Variants in ZNF799 observed in about 807,000 individuals in gnomAD.
The protein encoded by ZNF799 is zinc finger protein 14.
Under a neutral mutation model 41.0 loss-of-function variants are expected in ZNF799, and 28 were observed. That is an observed-to-expected ratio of 0.68 (90% CI 0.51 to 0.94). The LOEUF (loss-of-function observed/expected upper bound fraction) is 0.94, where lower values mean the gene tolerates loss of function less well. Ranked by LOEUF, ZNF799 falls within the 40% of genes least tolerant of loss-of-function variation. The probability of loss-of-function intolerance (pLI) is 0.00; values close to 1 mark genes in which losing one functional copy is unlikely to be tolerated. For missense variants in ZNF799, 716 were observed against 764.3 expected (o/e 0.94, Z 0.74); for synonymous variants, 213 against 252.9 (o/e 0.84, Z 1.50).
In ZNF799 at chr19:12,401,186, G is replaced by T. The variant is rs1345342969; in HGVS notation, c.-116C>A. ...GGTCGTCTCTTAGCTACAGAGCCGA[G>T]CACCGAGCGCCCAGCGCAGGTGGGT... On this transcript the variant is annotated 5_prime_UTR_variant, in exon 1 of 4. Transcript: ENST00000430385. 7.6e-6 allele frequency: 12 copies of T among 1,584,584 alleles called. No homozygotes were observed. The highest frequency in any genetic ancestry group is 1.3e-5 in the African/African-American group (1 of 74,686).
chr19:12,412,540 G>T, the ZNF799 span, among the ~76,000 whole-genome samples: 1 of 73,522 alleles, frequency 1.4e-5, no homozygotes. Context: ...ATAAAAATTT[G>T]TCAGAAAAAA....
intron 1 of ZNF799, among the ~76,000 whole-genome samples, chr19:12,396,192 A>G (rs1272195654): frequency 6.6e-6 from 1 of 152,256 alleles, no homozygotes; most frequent in African/African-American, 2.4e-5. Context: ...TGGAAAAAAT[A>G]TAATTGAGAT....
At chr19:12,407,483 G>GA in the ZNF799 span, among the ~76,000 whole-genome samples, 46 of 135,654 alleles carry the variant, frequency 3.4e-4, no homozygotes, top group African/African-American at 7.3e-4. Context: ...GAGAGAGAGA[G>GA]AGAAAAAAAA....
chr19:12,414,836 G>C, the ZNF799 span, among the ~76,000 whole-genome samples: 1 of 152,106 alleles, frequency 6.6e-6, no homozygotes, highest in Non-Finnish European at 1.5e-5. Flanking sequence ...GCCAAACTCT[G>C]ACTCCTGAAA....
At chr19:12,410,289 A>ATATC in the ZNF799 span, among the ~76,000 whole-genome samples, 1 of 121,766 alleles carries the variant, frequency 8.2e-6, no homozygotes, top group Admixed American at 8.7e-5. Context: ...ATATATATAT[A>ATATC]TATATATATC....
Position 12,391,081 on chromosome 19 carries a change from A to C in ZNF799, c.1317T>G (p.His439Gln). The change falls in exon 4 of 4, where the codon CAT becomes CAG. Residue 439 changes from histidine (H) to glutamine (Q), a missense_variant. Physicochemically the swap from His to Gln is conservative, Grantham distance 24. Transcript: ENST00000430385. ...GTTTCTCTCCAGTATGAGTTGTTTC[A>C]TGCCTTCGAAGAGAACTGGAAATAC... Reference protein sequence around the residue: ...AYRISSSLRRHETTHTGEKPY... With the variant: ...AYRISSSLRRQETTHTGEKPY... 6.2e-7 allele frequency: 1 copy of C among 1,614,188 alleles called. No individual in the cohort carries two copies. Among genetic ancestry groups the C allele is most frequent in the Non-Finnish European group, 8.5e-7 (1 of 1,180,026 alleles).
the ZNF799 span, among the ~76,000 whole-genome samples, chr19:12,408,927 C>A: frequency 0.012 from 1,815 of 151,880 alleles, 31 homozygotes; most frequent in African/African-American, 0.042. Flanking sequence ...CCCAGCTACT[C>A]GGGAGGCTGA....
the ZNF799 span, among the ~76,000 whole-genome samples, chr19:12,412,577 A>C: frequency 6.6e-6 from 1 of 151,952 alleles, no homozygotes; most frequent in East Asian, 1.9e-4. Flanking sequence ...GTCAGCAAAA[A>C]CAAGTGTTCT....
chr19:12,411,144 T>C, the ZNF799 span, among the ~76,000 whole-genome samples: 2 of 152,198 alleles, frequency 1.3e-5, no homozygotes, highest in African/African-American at 4.8e-5. Context: ...AAAGGAAGAC[T>C]GCTATCTGCA....
In ZNF799 at chr19:12,393,433, C is replaced by T. The variant is rs1969855387; in HGVS notation, c.4-10G>A. 2 of 1,309,774 alleles carry T rather than the reference C, an allele frequency of 1.5e-6. No homozygotes were observed. The highest frequency in any genetic ancestry group is 1.0e-6 in the Non-Finnish European group (1 of 966,636). 81.1% of individuals were successfully genotyped at this position (1,309,774 alleles called of 1,614,324 possible). A position where few individuals can be genotyped will look rare whatever the true frequency, so the allele number is the denominator to read the frequency against. On this transcript the variant is annotated splice_polypyrimidine_tract_variant and intron_variant, in intron 1 of 3. Transcript: ENST00000430385. The stretch of plus-strand genomic sequence containing the variant: ...CTAAAGCCACTGAGGCCTGATCCAT[C>T]CCACATGTACAGAGGAGGAAGGGTG...
upstream of ZNF799, chr19:12,401,334 A>G (rs1444124730): frequency 1.0e-5 from 11 of 1,062,276 alleles, no homozygotes; most frequent in Non-Finnish European, 1.4e-5. Flanking sequence ...CCCCTCGTGG[A>G]CTGATTGACA....
chr19:12,405,758 ATTTTG>A (rs1970025081), upstream of ZNF799, among the ~76,000 whole-genome samples: 1 of 152,222 alleles, frequency 6.6e-6, no homozygotes, highest in Non-Finnish European at 1.5e-5. Context: ...AGTAAGCATA[ATTTTG>A]TTTTGATACA....
chr19:12,403,703 C>T (rs189116147), upstream of ZNF799, among the ~76,000 whole-genome samples: 54 of 152,240 alleles, frequency 3.5e-4, no homozygotes, highest in African/African-American at 1.3e-3. Context: ...CAGGCACCCA[C>T]CACCATGTCT....
At chr19:12,399,261 T>A (rs1969943202) in intron 1 of ZNF799, among the ~76,000 whole-genome samples, 1 of 152,212 alleles carries the variant, frequency 6.6e-6, no homozygotes, top group Non-Finnish European at 1.5e-5. Context: ...CAGGAGACAC[T>A]GCCTTGTGTG....
In ZNF799 at chr19:12,390,837, C is replaced by G; in HGVS notation, c.1561G>C (p.Val521Leu). ...TCTCCAGAGTGAATTCTTTCATGTA[C>G]TTTTAAGTTACCAAAATGACTGAAG... is the stretch of plus-strand genomic sequence containing the variant. ...KAFSHFGNLK[V>L]HERIHSGEKP... The change falls in exon 4 of 4, where the codon GTA (valine) becomes CTA (leucine). Residue 521 changes from valine to leucine, a missense_variant. Transcript: ENST00000430385. 1 of 1,613,996 alleles carries G rather than the reference C, an allele frequency of 6.2e-7. No homozygotes were observed. The highest frequency in any genetic ancestry group is 8.5e-7 in the Non-Finnish European group (1 of 1,179,978).
At chr19:12,409,242 G>A in the ZNF799 span, among the ~76,000 whole-genome samples, 7 of 152,080 alleles carry the variant, frequency 4.6e-5, no homozygotes, top group South Asian at 2.1e-4. Flanking sequence ...AACAGGGTTC[G>A]CGCTCCTATG....
At chr19:12,406,168 C>CAAA (rs940819306), upstream of ZNF799, among the ~76,000 whole-genome samples, 3 of 58,964 alleles carry the variant, frequency 5.1e-5, no homozygotes, top group Non-Finnish European at 7.5e-5. Context: ...GACTCTGTCT[C>CAAA]AAAAAAAAAA....
At chr19:12,402,557 C>T (rs544860376), upstream of ZNF799, among the ~76,000 whole-genome samples, 60 of 152,032 alleles carry the variant, frequency 3.9e-4, no homozygotes, top group African/African-American at 1.2e-3. Flanking sequence ...CATTATCATG[C>T]TAGCTGTGGG....
At position 12,401,187 on chromosome 19, in the gene ZNF799, C is replaced by T; in HGVS notation, c.-117G>A. ...GTCGTCTCTTAGCTACAGAGCCGAG[C>T]ACCGAGCGCCCAGCGCAGGTGGGTG... On this transcript the variant is annotated 5_prime_UTR_variant, in exon 1 of 4. Coordinates refer to ENST00000430385, the MANE Select transcript of ZNF799 (RefSeq NM_001080821.3). 1.9e-6 allele frequency: 3 copies of T among 1,584,882 alleles called. No homozygotes were observed. Among genetic ancestry groups the T allele is most frequent in the Non-Finnish European group, 2.6e-6 (3 of 1,167,312 alleles).
Sources: gnomAD v4.1 joint callset for allele counts (sites outside exome capture counted in the v4.1 genomes callset) on GRCh38, gnomAD v4.1.1 for gene constraint, MANE v1.5 for transcripts, NCBI Gene and HGNC (gene_info 2026-07-23, HGNC 2026-07-21) for gene names.